Variants in UMODL1 observed in about 807,000 individuals in gnomAD.
The protein encoded by UMODL1 is uromodulin like 1.
UMODL1 carries 128 observed loss-of-function variants against 136.3 expected under a neutral mutation model. The observed-to-expected ratio is 0.94, with a 90% CI of 0.81 to 1.09. UMODL1 has a LOEUF of 1.09. Ranked by LOEUF, UMODL1 falls within the 50% of genes least tolerant of loss-of-function variation. The pLI, the probability that UMODL1 is intolerant of heterozygous loss-of-function variation, is 0.00. For synonymous variants in UMODL1, 721 were observed against 720.0 expected (o/e 1.00, Z -0.02); for missense variants, 1,766 against 1,725.6 (o/e 1.02, Z -0.41).
intron 6 of UMODL1, 95 bp downstream of exon 6, chr21:42,090,533 C>T: frequency 1.4e-6 from 2 of 1,451,390 alleles, no homozygotes; most frequent in Non-Finnish European, 1.9e-6. Context: ...GCAGCATTCA[C>T]CCCGAGATAA....
chr21:42,101,533 C>T (rs983346003), intron 7 of UMODL1, among the ~76,000 whole-genome samples: 22 of 152,142 alleles, frequency 1.4e-4, no homozygotes, highest in Admixed American at 2.6e-4. Flanking sequence ...GCAGAATTGC[C>T]GCCGACCTGC....
chr21:42,134,759 C>T (rs12481836), intron 21 of UMODL1, among the ~76,000 whole-genome samples: 9 of 150,842 alleles, frequency 6.0e-5, no homozygotes, highest in East Asian at 1.9e-4. Context: ...GGACTACAGG[C>T]GCGCACTACC....
intron 16 of UMODL1, 38 bp downstream of exon 16, chr21:42,121,262 T>G: frequency 6.4e-7 from 1 of 1,574,646 alleles, no homozygotes; most frequent in Non-Finnish European, 8.6e-7. Flanking sequence ...GAATACTGTA[T>G]CATAATCGGT....
chr21:42,134,752 C>T (rs1029027401), intron 21 of UMODL1, among the ~76,000 whole-genome samples: 3 of 151,232 alleles, frequency 2.0e-5, no homozygotes, highest in African/African-American at 2.4e-5. Flanking sequence ...GTAGCTGGGA[C>T]TACAGGCGCG....
At chr21:42,127,289 T>G (rs748084287) in intron 19 of UMODL1, 47 bp downstream of exon 19, 1 of 1,531,878 alleles carries the variant, frequency 6.5e-7, no homozygotes, top group Non-Finnish European at 9.0e-7. Context: ...TGCCTGGGGC[T>G]TTATTAACAA....
rs1199737306 is a variant in UMODL1, at chr21:42,084,245, G to A, written c.481G>A (p.Ala161Thr). 6.2e-7 allele frequency: 1 copy of A among 1,613,110 alleles called. No individual in the cohort carries two copies. Among genetic ancestry groups the A allele is most frequent in the South Asian group, 1.1e-5 (1 of 91,026 alleles). Residue 161 changes from alanine to threonine, a missense_variant and splice_region_variant, in exon 3 of 23, where the codon GCT (alanine) becomes ACT (threonine). Physicochemically the swap from Ala to Thr is moderately conservative, Grantham distance 58. Transcript: ENST00000408910. Reference sequence around the variant, plus strand: ...CTACTGCATGGCCCCTGCACCCCAAGGTAGGCTGCTGCGGGCCATGCTTAT... The same window carrying A: ...CTACTGCATGGCCCCTGCACCCCAAAGTAGGCTGCTGCGGGCCATGCTTAT... ...GRYCMAPAPQ[A>T]PERDPVGSWY...
chr21:42,078,106 AC>A (rs1012363995), intron 2 of UMODL1, among the ~76,000 whole-genome samples: 3 of 152,324 alleles, frequency 2.0e-5, no homozygotes, highest in Admixed American at 6.5e-5. Flanking sequence ...TTAAAACAAT[AC>A]CACCATAACC....
chr21:42,086,650 C>T (rs1227398717), intron 4 of UMODL1: 3 of 454,448 alleles, frequency 6.6e-6, no homozygotes, highest in Admixed American at 2.3e-5. Flanking sequence ...CCTCTCTGTG[C>T]CTGAGATACC....
chr21:42,123,031 G>A lies in UMODL1; in HGVS notation c.3028G>A (p.Glu1010Lys). The A allele has an allele frequency of 6.2e-7, 1 of 1,614,102 alleles. No individual in the cohort carries two copies. The highest frequency in any genetic ancestry group is 8.5e-7 in the Non-Finnish European group (1 of 1,180,030). ...VAIQKRFLQQ[E>K]SIPESSLYLS... ...CATCCAGAAGCGCTTCCTGCAGCAG[G>A]AATCCATCCCCGAGTCCTCGTTGTA... The change falls in exon 17 of 23, where the codon GAA becomes AAA. Residue 1010 changes from glutamate to lysine, a missense_variant. Transcript: ENST00000408910. This position sits in a 1 kb window ranked among gnomAD's most constrained non-coding sequence, Gnocchi z 4.4.
intron 2 of UMODL1, among the ~76,000 whole-genome samples, chr21:42,082,865 C>G: frequency 6.6e-6 from 1 of 152,230 alleles, no homozygotes; most frequent in East Asian, 1.9e-4. Context: ...GGACTCCTGA[C>G]AGCTTCCCTT....
chr21:42,065,111 C>T (rs1284159901), intron 1 of UMODL1, among the ~76,000 whole-genome samples: 1 of 152,188 alleles, frequency 6.6e-6, no homozygotes, highest in Non-Finnish European at 1.5e-5. Context: ...CCAACCTCAG[C>T]CCCGGCAGAA....
chr21:42,079,911 A>G (rs1286959851), intron 2 of UMODL1, among the ~76,000 whole-genome samples: 3 of 152,162 alleles, frequency 2.0e-5, no homozygotes, highest in African/African-American at 7.2e-5. Context: ...GGGAGGAGGA[A>G]CATTTCAGGG....
At chr21:42,073,091 C>T (rs1601170299) in intron 1 of UMODL1, among the ~76,000 whole-genome samples, 1 of 152,148 alleles carries the variant, frequency 6.6e-6, no homozygotes, top group Non-Finnish European at 1.5e-5. Flanking sequence ...CCAGCTGGGG[C>T]CATGTAACGA....
chr21:42,084,136 G>A lies in UMODL1; in HGVS notation c.372G>A (p.Glu124=), dbSNP rs1235238105. The change falls in exon 3 of 23, where the codon GAG becomes GAA. Residue 124 remains glutamate, a synonymous_variant. Transcript: ENST00000408910. The stretch of plus-strand genomic sequence containing the variant: ...CAAGACCTGGGGCCTGCCCCGCAGA[G>A]GGGCCTGAACCATCCACCTCCCCCT... The part of the protein sequence containing the change: ...FTSRPGACPA[E]GPEPSTSPCS... 34 of 1,613,950 alleles carry A rather than the reference G, an allele frequency of 2.1e-5. No homozygotes were observed. Among genetic ancestry groups the A allele is most frequent in the Non-Finnish European group, 2.7e-5 (32 of 1,179,966 alleles).
At chr21:42,110,833 T>C (rs780965871) in intron 10 of UMODL1, 47 bp from the exon 11 acceptor site, 20 of 1,528,700 alleles carry the variant, frequency 1.3e-5, no homozygotes, top group Non-Finnish European at 1.8e-5. Flanking sequence ...GGGCTCTTAC[T>C]CGTGGGTGGG....
intron 14 of UMODL1, among the ~76,000 whole-genome samples, chr21:42,116,701 G>C (rs1449679712): frequency 1.3e-5 from 2 of 151,876 alleles, no homozygotes; most frequent in African/African-American, 2.4e-5. Context: ...CAGTGGTTTA[G>C]ACTATTTTGC....
chr21:42,136,134 G>T (rs2067202389), intron 21 of UMODL1, among the ~76,000 whole-genome samples: 1 of 152,036 alleles, frequency 6.6e-6, no homozygotes, highest in Non-Finnish European at 1.5e-5. Context: ...TCTCCCCCTG[G>T]GCTCATAGGG....
At chr21:42,112,452 C>T (rs2066846574) in intron 12 of UMODL1, among the ~76,000 whole-genome samples, 1 of 151,184 alleles carries the variant, frequency 6.6e-6, no homozygotes, top group Non-Finnish European at 1.5e-5. Context: ...TGTTCTGTAT[C>T]TGCCCAGCTG....
intron 7 of UMODL1, among the ~76,000 whole-genome samples, chr21:42,100,992 A>G (rs1032266924): frequency 3.4e-5 from 5 of 146,728 alleles, no homozygotes; most frequent in Non-Finnish European, 7.5e-5. Flanking sequence ...CTGCATTCCA[A>G]TGTCAGGCAC....
Sources: gnomAD v4.1 joint callset for allele counts (sites outside exome capture counted in the v4.1 genomes callset) on GRCh38, gnomAD v4.1.1 for gene constraint, Gnocchi (gnomAD v3.1) non-coding constraint, MANE v1.5 for transcripts, NCBI Gene and HGNC (gene_info 2026-07-23, HGNC 2026-07-21) for gene names.